The following IGF1R variants were observed in gnomAD, a reference collection of about 807,000 sequenced individuals.
IGF1R encodes the protein insulin-like growth factor 1 receptor.
IGF1R carries 44 observed loss-of-function variants against 144.6 expected under a neutral mutation model. That is an observed-to-expected ratio of 0.30 (90% CI 0.24 to 0.39). The LOEUF (loss-of-function observed/expected upper bound fraction) is 0.39. Ranked by LOEUF, IGF1R falls within the 10% of genes least tolerant of loss-of-function variation. IGF1R has a pLI of 1.00. For missense variants in IGF1R, 1,355 were observed against 1,833.7 expected, an observed-to-expected ratio of 0.74 and a Z score of 4.77; for synonymous variants, 795 against 722.8, an observed-to-expected ratio of 1.10 and a Z score of -1.60.
chr15:98,730,693 G>A (rs1023781450), intron 2 of IGF1R, among the ~76,000 whole-genome samples: 10 of 152,228 alleles, frequency 6.6e-5, no homozygotes, highest in Admixed American at 5.2e-4. Context: ...GTGTTTCATT[G>A]TTCATCTGTA....
intron 2 of IGF1R, among the ~76,000 whole-genome samples, chr15:98,850,709 G>T (rs747526707): frequency 2.0e-5 from 3 of 152,120 alleles, no homozygotes; most frequent in Non-Finnish European, 2.9e-5. Flanking sequence ...TGTGTACAGG[G>T]AATCACTGAG....
At chr15:98,702,045 T>TTG (rs1292976849) in intron 1 of IGF1R, among the ~76,000 whole-genome samples, 2 of 149,718 alleles carry the variant, frequency 1.3e-5, no homozygotes, top group African/African-American at 2.5e-5. Flanking sequence ...TTTTTTTTTT[T>TTG]TTTTTTTTTC....
intron 2 of IGF1R, among the ~76,000 whole-genome samples, chr15:98,777,184 G>A (rs1019491660): frequency 4.6e-5 from 7 of 152,260 alleles, no homozygotes; most frequent in Admixed American, 2.6e-4. Flanking sequence ...CCTGAAGCAC[G>A]CTCAATTTGC....
At chr15:98,839,323 T>C (rs1596347345) in intron 2 of IGF1R, among the ~76,000 whole-genome samples, 2 of 152,256 alleles carry the variant, frequency 1.3e-5, no homozygotes, top group Admixed American at 6.5e-5. Flanking sequence ...TCAGTGTGAC[T>C]CTAGAGTACC....
chr15:98,702,870 G>A (rs545294473), intron 1 of IGF1R, among the ~76,000 whole-genome samples: 10 of 152,270 alleles, frequency 6.6e-5, no homozygotes, highest in East Asian at 5.8e-4. Context: ...CCAGGAGGTC[G>A]AGGCTGCATT....
At chr15:98,912,471 G>A (rs897312829) in intron 7 of IGF1R, among the ~76,000 whole-genome samples, 19 of 152,198 alleles carry the variant, frequency 1.2e-4, no homozygotes, top group African/African-American at 1.9e-4. Context: ...GCATCTGTGC[G>A]AAGTACTATA....
At chr15:98,818,329 A>C (rs2056737115) in intron 2 of IGF1R, among the ~76,000 whole-genome samples, 1 of 152,114 alleles carries the variant, frequency 6.6e-6, no homozygotes, top group Admixed American at 6.5e-5. Context: ...CAAGAGTGAG[A>C]ATTTACTCAA....
At chr15:98,836,162 G>A (rs991273941) in intron 2 of IGF1R, among the ~76,000 whole-genome samples, 1 of 151,092 alleles carries the variant, frequency 6.6e-6, no homozygotes, top group Non-Finnish European at 1.5e-5. Flanking sequence ...CCCACTGGCC[G>A]GGGAGAAACT....
chr15:98,715,152 A>G (rs1243757014), intron 2 of IGF1R, among the ~76,000 whole-genome samples: 1 of 152,172 alleles, frequency 6.6e-6, no homozygotes, highest in Non-Finnish European at 1.5e-5. Context: ...TTTTATAGTC[A>G]GGCGTGGAGC....
At chr15:98,681,169 A>C (rs1311563196) in intron 1 of IGF1R, among the ~76,000 whole-genome samples, 2 of 152,154 alleles carry the variant, frequency 1.3e-5, no homozygotes, top group African/African-American at 4.8e-5. Context: ...TGCTTCTTTA[A>C]GCCTCTGTAG....
rs1257018594 is a variant in IGF1R at position 98,649,467 on chromosome 15, G to A, written c.-115G>A. On this transcript the variant is annotated 5_prime_UTR_variant, in exon 1 of 21. Transcript: ENST00000650285. ...TTCCTTCGCCCTTGTTTTTGGAGGGGGAGCGAAGACTGAGTTTGAGACTTG... is the reference window on the plus strand; with the variant it reads ...TTCCTTCGCCCTTGTTTTTGGAGGGAGAGCGAAGACTGAGTTTGAGACTTG... The A allele has an allele frequency of 1.4e-6, 1 of 734,746 alleles. No individual in the cohort carries two copies. The highest frequency in any genetic ancestry group is 2.2e-6 in the Non-Finnish European group (1 of 446,928). 45.5% of individuals were successfully genotyped at this position (734,746 alleles called of 1,614,324 possible). A position where few individuals can be genotyped will look rare whatever the true frequency, so the allele number is the denominator to read the frequency against.
At chr15:98,737,375 G>A (rs989410274) in intron 2 of IGF1R, among the ~76,000 whole-genome samples, 1 of 152,124 alleles carries the variant, frequency 6.6e-6, no homozygotes. Context: ...ATTAGGAACC[G>A]AGCGAGGATT....
chr15:98,848,242 A>G (rs1287359955), intron 2 of IGF1R, among the ~76,000 whole-genome samples: 1 of 152,256 alleles, frequency 6.6e-6, no homozygotes, highest in Non-Finnish European at 1.5e-5. Flanking sequence ...ATATCTTTCA[A>G]ACATATGGCT....
intron 18 of IGF1R, among the ~76,000 whole-genome samples, chr15:98,939,925 C>T (rs999523044): frequency 2.0e-5 from 3 of 152,162 alleles, no homozygotes; most frequent in African/African-American, 4.8e-5. Context: ...TCCAAGCTCT[C>T]GACCACTCTC....
At chr15:98,895,235 C>CACACAG (rs1567182909) in intron 3 of IGF1R, among the ~76,000 whole-genome samples, 27 of 51,750 alleles carry the variant, frequency 5.2e-4, no homozygotes, top group South Asian at 4.6e-3. Context: ...CACACACACA[C>CACACAG]ACACACACAC....
chr15:98,791,429 T>A (rs1178607289), intron 2 of IGF1R, among the ~76,000 whole-genome samples: 1 of 152,238 alleles, frequency 6.6e-6, no homozygotes, highest in Admixed American at 6.5e-5. Context: ...GAAACCAAGA[T>A]TGGTGATCTG....
At chr15:98,713,111 C>T (rs1043858403) in intron 2 of IGF1R, among the ~76,000 whole-genome samples, 2 of 151,900 alleles carry the variant, frequency 1.3e-5, no homozygotes, top group Non-Finnish European at 2.9e-5. Context: ...GCTGACCAGC[C>T]GGCACGGCTC....
chr15:98,835,495 A>G (rs983232630), intron 2 of IGF1R, among the ~76,000 whole-genome samples: 5 of 152,232 alleles, frequency 3.3e-5, no homozygotes, highest in African/African-American at 1.2e-4. Flanking sequence ...CAGAGTGGAT[A>G]GGCTTCCATA....
At chr15:98,936,753 A>G (rs1335068544) in intron 17 of IGF1R, among the ~76,000 whole-genome samples, 1 of 151,960 alleles carries the variant, frequency 6.6e-6, no homozygotes, top group Non-Finnish European at 1.5e-5. Flanking sequence ...CCAAGTGTGG[A>G]CTGGGGCTTC....
Sources: gnomAD v4.1 joint callset for allele counts (sites outside exome capture counted in the v4.1 genomes callset) on GRCh38, gnomAD v4.1.1 for gene constraint, MANE v1.5 for transcripts, NCBI Gene and HGNC (gene_info 2026-07-23, HGNC 2026-07-21) for gene names.